Variants in RANBP17 observed in about 807,000 individuals in gnomAD.
RANBP17 encodes the protein RAN binding protein 17.
RANBP17 carries 158 observed loss-of-function variants against 141.2 expected under a neutral mutation model. The observed-to-expected ratio is 1.12, with a 90% CI of 0.98 to 1.28. The LOEUF (loss-of-function observed/expected upper bound fraction) is 1.28, where lower values mean the gene tolerates loss of function less well. RANBP17 is among the 50% of genes most tolerant of loss of function. The pLI is 0.00. For synonymous variants in RANBP17, 430 were observed against 450.0 expected, an observed-to-expected ratio of 0.96 and a Z score of 0.56; for missense variants, 1,438 against 1,290.7, an observed-to-expected ratio of 1.11 and a Z score of -1.75.
At chr5:171,273,724 A>G (rs980902210) in intron 25 of RANBP17, among the ~76,000 whole-genome samples, 6 of 152,196 alleles carry the variant, frequency 3.9e-5, no homozygotes, top group African/African-American at 1.4e-4. Context: ...TTTCAGAACT[A>G]AGATCTCCCA....
At chr5:171,089,797 A>G (rs1786080280) in intron 14 of RANBP17, among the ~76,000 whole-genome samples, 1 of 152,272 alleles carries the variant, frequency 6.6e-6, no homozygotes, top group South Asian at 2.1e-4. Flanking sequence ...AGGTGAGGCA[A>G]TGCCTCGCCC....
intron 24 of RANBP17, among the ~76,000 whole-genome samples, chr5:171,249,467 A>G (rs554593703): frequency 3.9e-5 from 6 of 152,360 alleles, no homozygotes; most frequent in African/African-American, 1.2e-4. Context: ...AAAGAATTCA[A>G]AATACTGATT....
At chr5:171,130,809 T>C (rs1262803487) in intron 14 of RANBP17, among the ~76,000 whole-genome samples, 2 of 152,226 alleles carry the variant, frequency 1.3e-5, no homozygotes, top group Admixed American at 6.5e-5. Context: ...TTGACTGTTA[T>C]CTTTGTATAA....
At position 170,968,310 on chromosome 5, in the gene RANBP17, C is replaced by G; in HGVS notation, c.1643C>G (p.Ala548Gly). ...TGTTGTAATGAGAAAATAGAGCTTG[C>G]AATTCTGTGGTTCTTGGATCAGTTT... is the stretch of plus-strand genomic sequence containing the variant. ...PRCCNEKIEL[A>G]ILWFLDQFRK... is the part of the protein sequence containing the mutation. The change falls in exon 14 of 28, where the codon GCA becomes GGA. Residue 548 changes from alanine to glycine, a missense_variant. Ala to Gly is a moderately conservative substitution (Grantham distance 60). Transcript: ENST00000523189. 6.2e-7 allele frequency: 1 copy of G among 1,608,548 alleles called. No individual in the cohort carries two copies. Among genetic ancestry groups the G allele is most frequent in the African/African-American group, 1.3e-5 (1 of 74,692 alleles).
chr5:171,184,399 A>G (rs888975995), intron 18 of RANBP17, among the ~76,000 whole-genome samples: 2 of 152,204 alleles, frequency 1.3e-5, no homozygotes, highest in Admixed American at 6.5e-5. Context: ...CAAATACTAT[A>G]TGATATCACT....
At chr5:171,122,550 G>A (rs1440754578) in intron 14 of RANBP17, among the ~76,000 whole-genome samples, 1 of 152,216 alleles carries the variant, frequency 6.6e-6, no homozygotes, top group African/African-American at 2.4e-5. Context: ...AGGAAGTGAA[G>A]CAGCCAGCCT....
At chr5:171,246,894 C>T (rs1014501877) in intron 24 of RANBP17, among the ~76,000 whole-genome samples, 2 of 152,086 alleles carry the variant, frequency 1.3e-5, no homozygotes, top group Non-Finnish European at 2.9e-5. Flanking sequence ...ATTTGTATAC[C>T]AAAAGCAGGT....
intron 19 of RANBP17, among the ~76,000 whole-genome samples, chr5:171,199,979 A>C (rs1411022497): frequency 6.6e-6 from 1 of 152,200 alleles, no homozygotes. Flanking sequence ...AGTTTTGGAC[A>C]GTCAGTTCAT....
intron 21 of RANBP17, among the ~76,000 whole-genome samples, chr5:171,217,558 A>G (rs559177938): frequency 1.3e-5 from 2 of 152,236 alleles, no homozygotes; most frequent in Non-Finnish European, 2.9e-5. Flanking sequence ...TTGATAGGCT[A>G]TTAATTACTG....
intron 14 of RANBP17, among the ~76,000 whole-genome samples, chr5:171,135,591 C>A (rs1017579330): frequency 1.1e-4 from 17 of 152,268 alleles, no homozygotes; most frequent in African/African-American, 4.1e-4. Context: ...TCCACCCTGA[C>A]CCCTTGCCCC....
chr5:171,213,696 C>G lies in RANBP17; in HGVS notation c.2297C>G (p.Thr766Arg). 1 of 1,613,722 alleles carries G rather than the reference C, an allele frequency of 6.2e-7. No individual in the cohort carries two copies. The highest frequency in any genetic ancestry group is 1.7e-5 in the Admixed American group (1 of 59,996). ...VERWYGEPTC[T>R]TPILKLMAEL... ...CGGTGGTATGGAGAGCCAACATGTA[C>G]AACTCCCATCTTGAAACTTATGGCA... The change falls in exon 21 of 28, where the codon ACA becomes AGA. Residue 766 changes from threonine (T) to arginine (R), a missense_variant. Thr to Arg is a moderately conservative substitution (Grantham distance 71). Coordinates refer to ENST00000523189, the MANE Select transcript of RANBP17 (RefSeq NM_022897.5).
chr5:170,935,237 A>G (rs1228097512), intron 12 of RANBP17, among the ~76,000 whole-genome samples: 1 of 152,156 alleles, frequency 6.6e-6, no homozygotes, highest in African/African-American at 2.4e-5. Context: ...CTTCTTTGCA[A>G]TGGGTTCGAA....
At chr5:170,897,583 C>A (rs1053549947) in intron 5 of RANBP17, among the ~76,000 whole-genome samples, 1 of 151,610 alleles carries the variant, frequency 6.6e-6, no homozygotes, top group Non-Finnish European at 1.5e-5. Context: ...CCAACAGGCC[C>A]CGGTGTGTGA....
At chr5:171,238,927 G>A (rs1764704124) in intron 22 of RANBP17, among the ~76,000 whole-genome samples, 1 of 152,094 alleles carries the variant, frequency 6.6e-6, no homozygotes, top group Admixed American at 6.6e-5. Context: ...ATACCTCTCT[G>A]ATGGCATTTG....
chr5:171,080,714 G>A (rs1409867912), intron 14 of RANBP17, among the ~76,000 whole-genome samples: 5 of 152,136 alleles, frequency 3.3e-5, no homozygotes, highest in African/African-American at 1.2e-4. Context: ...CCTTTTACGG[G>A]AAAATATCTT....
intron 14 of RANBP17, among the ~76,000 whole-genome samples, chr5:170,980,238 G>A (rs1426646690): frequency 6.6e-6 from 1 of 152,178 alleles, no homozygotes; most frequent in Non-Finnish European, 1.5e-5. Flanking sequence ...TTTTAAAAGG[G>A]AAACAGCATA....
intron 24 of RANBP17, among the ~76,000 whole-genome samples, chr5:171,245,877 C>CTT (rs778868859): frequency 1.9e-4 from 26 of 134,294 alleles, no homozygotes; most frequent in African/African-American, 3.6e-4. Flanking sequence ...TCTTCTCATA[C>CTT]TTTTTTTTTT....
intron 14 of RANBP17, among the ~76,000 whole-genome samples, chr5:171,087,865 T>C (rs368246982): frequency 1.3e-5 from 2 of 151,748 alleles, no homozygotes; most frequent in African/African-American, 2.4e-5. Flanking sequence ...TGTCTCTGCA[T>C]GTGAGATGGG....
intron 14 of RANBP17, among the ~76,000 whole-genome samples, chr5:171,127,079 C>T (rs1756525432): frequency 6.6e-6 from 1 of 152,128 alleles, no homozygotes; most frequent in African/African-American, 2.4e-5. Context: ...CAAAAACCCT[C>T]AACAAAATAC....
Sources: gnomAD v4.1 joint callset for allele counts (sites outside exome capture counted in the v4.1 genomes callset) on GRCh38, gnomAD v4.1.1 for gene constraint, MANE v1.5 for transcripts, NCBI Gene and HGNC (gene_info 2026-07-23, HGNC 2026-07-21) for gene names.